Variants in CAMK2D observed in about 807,000 individuals in gnomAD.
CAMK2D encodes calcium/calmodulin dependent protein kinase II delta.
A neutral mutation model predicts 84.0 loss-of-function variants in CAMK2D; 37 were observed. The observed-to-expected ratio is 0.44, with a 90% confidence interval of 0.34 to 0.58. The LOEUF (loss-of-function observed/expected upper bound fraction) is 0.58. CAMK2D is among the 20% of genes least tolerant of loss of function. CAMK2D has a pLI of 0.02. For synonymous variants in CAMK2D, 202 were observed against 212.5 expected (o/e 0.95, Z 0.43); for missense variants, 448 against 652.5 (o/e 0.69, Z 3.41).
chr4:113,588,817 G>A (rs904868289), intron 4 of CAMK2D, among the ~76,000 whole-genome samples: 17 of 151,952 alleles, frequency 1.1e-4, no homozygotes, highest in Middle Eastern at 3.4e-3. Context: ...TGGAGCTTAC[G>A]TCATAGTTGG....
intron 2 of CAMK2D, among the ~76,000 whole-genome samples, chr4:113,748,159 C>T (rs1310749537): frequency 2.6e-5 from 4 of 152,118 alleles, no homozygotes; most frequent in Admixed American, 6.6e-5. Context: ...AGTAAACACT[C>T]CCATTGTTAG....
intron 9 of CAMK2D, 40 bp from the exon 10 acceptor site, chr4:113,515,231 C>T (rs766802138): frequency 1.0e-5 from 15 of 1,432,682 alleles, no homozygotes; most frequent in African/African-American, 1.4e-5. Flanking sequence ...AAAAAATAGA[C>T]ACACTCGATC....
intron 2 of CAMK2D, among the ~76,000 whole-genome samples, chr4:113,688,785 GC>G (rs2099367779): frequency 6.6e-6 from 1 of 151,850 alleles, no homozygotes; most frequent in Non-Finnish European, 1.5e-5. Context: ...CCTCATTATT[GC>G]TTCTTGTCTG....
rs141794471 is a variant in CAMK2D, at chr4:113,455,776, G to A, written c.1581C>T (p.Thr527=). ...GGCCTTAGATGTTTTGCCACAAAGA[G>A]GTGCCTCCTGAGAAGTTTTCTTTCC... is the stretch of plus-strand genomic sequence containing the variant. The part of the protein sequence containing the change: ...PNGKENFSGG[T]SLWQNI The change falls in exon 20 of 21, where the codon ACC becomes ACT. Residue 527 remains threonine (T), a synonymous_variant. Transcript: ENST00000511664. The A allele has an allele frequency of 3.3e-5, 53 of 1,612,478 alleles. No homozygotes were observed. The African/African-American group carries it at 6.7e-4, about 20-fold the overall frequency.
chr4:113,713,221 TGA>T (rs995660170), intron 2 of CAMK2D, among the ~76,000 whole-genome samples: 157 of 151,936 alleles, frequency 1.0e-3, no homozygotes, highest in African/African-American at 3.7e-3. Flanking sequence ...TACACAATTG[TGA>T]GAGTTTCCTT....
At chr4:113,545,128 G>A (rs1290035070) in intron 6 of CAMK2D, among the ~76,000 whole-genome samples, 1 of 152,150 alleles carries the variant, frequency 6.6e-6, no homozygotes, top group Non-Finnish European at 1.5e-5. Flanking sequence ...TATTATAGAT[G>A]TACTTTTGGT....
chr4:113,509,822 C>T (rs2098186222), intron 12 of CAMK2D, 147 bp from the exon 13 acceptor site: 27 of 633,674 alleles, frequency 4.3e-5, no homozygotes, highest in Non-Finnish European at 4.0e-5. Context: ...CACTGATGAA[C>T]GCGAGCTTAC....
intron 2 of CAMK2D, among the ~76,000 whole-genome samples, chr4:113,737,969 A>G (rs1452571252): frequency 1.3e-5 from 2 of 152,158 alleles, no homozygotes; most frequent in African/African-American, 4.8e-5. Flanking sequence ...CCATCTGGAA[A>G]GCCATAGTCA....
At chr4:113,573,476 C>T (rs1240470931) in intron 4 of CAMK2D, among the ~76,000 whole-genome samples, 3 of 152,256 alleles carry the variant, frequency 2.0e-5, no homozygotes, top group African/African-American at 4.8e-5. Flanking sequence ...ACTCAGCCCA[C>T]ATGGCCTACT....
chr4:113,583,612 A>T (rs893987658), intron 4 of CAMK2D, among the ~76,000 whole-genome samples: 2 of 152,226 alleles, frequency 1.3e-5, no homozygotes, highest in African/African-American at 4.8e-5. Flanking sequence ...TAATGCTGCC[A>T]GCAGGAAAAT....
At chr4:113,760,872 A>T in intron 1 of CAMK2D, 132 bp downstream of exon 1, 1 of 1,132,182 alleles carries the variant, frequency 8.8e-7, no homozygotes, top group Non-Finnish European at 1.3e-6. Flanking sequence ...CCCAGAGCTG[A>T]CAAACCAGGG....
intron 4 of CAMK2D, among the ~76,000 whole-genome samples, chr4:113,563,791 G>T (rs2098709848): frequency 6.6e-6 from 1 of 152,184 alleles, no homozygotes; most frequent in Admixed American, 6.5e-5. Flanking sequence ...CTCAACTATT[G>T]TGTTAAGAAC....
chr4:113,679,375 C>T, intron 2 of CAMK2D: 1 of 642,812 alleles, frequency 1.6e-6, no homozygotes, highest in Non-Finnish European at 1.9e-6. Context: ...TCTCTACTAA[C>T]ACATGCGGTT....
chr4:113,528,473 G>A (rs1232010084), intron 8 of CAMK2D, among the ~76,000 whole-genome samples: 1 of 152,042 alleles, frequency 6.6e-6, no homozygotes, highest in Non-Finnish European at 1.5e-5. Context: ...TAGAAAATAG[G>A]AAGGAAACTA....
At chr4:113,500,442 C>T in intron 16 of CAMK2D, 21 bp downstream of exon 16, 2 of 1,509,794 alleles carry the variant, frequency 1.3e-6, no homozygotes, top group African/African-American at 1.4e-5. Flanking sequence ...GTAGGATTTT[C>T]CATTTCTGGT....
intron 2 of CAMK2D, among the ~76,000 whole-genome samples, chr4:113,663,383 C>T (rs1346899401): frequency 6.6e-6 from 1 of 151,856 alleles, no homozygotes; most frequent in Non-Finnish European, 1.5e-5. Context: ...GCCAGGAGTT[C>T]AAGACAAGCC....
In CAMK2D at chr4:113,761,238, G is replaced by C; in HGVS notation, c.-170C>G. ...GTGTGCGCAGGGGCGGGGCGGGAGGGGAGATGACCAGAAAGGGTGGCGTGG... is the reference window on the plus strand; with the variant it reads ...GTGTGCGCAGGGGCGGGGCGGGAGGCGAGATGACCAGAAAGGGTGGCGTGG... On this transcript the variant is annotated 5_prime_UTR_variant, in exon 1 of 21. Coordinates refer to ENST00000511664, the MANE Select transcript of CAMK2D (RefSeq NM_001321571.2). 6.8e-7 allele frequency: 1 copy of C among 1,474,896 alleles called. No individual in the cohort carries two copies. Among genetic ancestry groups the C allele is most frequent in the Non-Finnish European group, 9.0e-7 (1 of 1,115,892 alleles). The allele number at this position is 1,474,896 out of a possible 1,614,324, so 91.4% of individuals were successfully genotyped here.
rs555438369 is a variant in CAMK2D, at chr4:113,490,282, C to T, written c.1135+10181G>A. On this transcript the variant is annotated intron_variant, in intron 16 of 20. Coordinates refer to ENST00000511664, the MANE Select transcript of CAMK2D (RefSeq NM_001321571.2). ...AGGGGTTTTATGGTTTTAGGTCTAA[C>T]GTTTAAGTCTTTAATCCATCTTGAA... Among the ~76,000 whole-genome samples, 31 of 149,778 alleles carry T rather than the reference C, an allele frequency of 2.1e-4. No individual in the cohort carries two copies. In the South Asian group the frequency reaches 3.2e-3, roughly 15 times the overall value.
chr4:113,677,964 T>C (rs764626995), intron 2 of CAMK2D, among the ~76,000 whole-genome samples: 1 of 152,090 alleles, frequency 6.6e-6, no homozygotes, highest in Non-Finnish European at 1.5e-5. Flanking sequence ...ATAATAGCTA[T>C]GTGATAAAAT....
Sources: allele counts gnomAD v4.1 joint callset (sites outside exome capture counted in the v4.1 genomes callset), GRCh38; gene constraint gnomAD v4.1.1; transcripts MANE v1.5; gene names NCBI Gene and HGNC (gene_info 2026-07-23, HGNC 2026-07-21).